The following CDC20B variants were observed in gnomAD, a reference collection of about 807,000 sequenced individuals.
CDC20B encodes the protein cell division cycle protein 20 homolog B.
CDC20B carries 58 observed loss-of-function variants against 64.1 expected under a neutral mutation model. That is an observed-to-expected ratio of 0.90 (90% CI 0.73 to 1.13). The LOEUF is 1.13. Among genes scored for constraint, CDC20B ranks in the 50% most tolerant of loss-of-function variants. The pLI, the probability that CDC20B is intolerant of heterozygous loss-of-function variation, is 0.00. For missense variants in CDC20B, 597 were observed against 633.0 expected, an observed-to-expected ratio of 0.94 and a Z score of 0.61; for synonymous variants, 243 against 230.6, an observed-to-expected ratio of 1.05 and a Z score of -0.49.
At chr5:55,167,497 C>T (rs901984043) in intron 2 of CDC20B, among the ~76,000 whole-genome samples, 6 of 152,164 alleles carry the variant, frequency 3.9e-5, no homozygotes, top group Non-Finnish European at 8.8e-5. Flanking sequence ...AATGTAAATG[C>T]TCATGCTCCC....
At chr5:55,129,789 A>C (rs1742983085) in intron 6 of CDC20B, among the ~76,000 whole-genome samples, 1 of 152,246 alleles carries the variant, frequency 6.6e-6, no homozygotes, top group Non-Finnish European at 1.5e-5. Context: ...AAACTGATCT[A>C]AGATTTGAAA....
intron 2 of CDC20B, chr5:55,161,091 T>C: frequency 6.2e-7 from 1 of 1,614,218 alleles, no homozygotes; most frequent in Non-Finnish European, 8.5e-7. Flanking sequence ...CCATCCCACT[T>C]CAGCGTGTTG....
chr5:55,155,878 T>A (rs1049923683), intron 2 of CDC20B, among the ~76,000 whole-genome samples: 1 of 152,180 alleles, frequency 6.6e-6, no homozygotes, highest in Non-Finnish European at 1.5e-5. Context: ...AAAAGCCTTT[T>A]GGTGGTGTTC....
rs1230884640 is a variant in CDC20B at position 55,123,552 on chromosome 5, AGACAC to A, written c.1215+1246_1215+1250del. Among the ~76,000 whole-genome samples, 4 of 152,290 alleles carry A rather than the reference AGACAC, an allele frequency of 2.6e-5. No homozygotes were observed. The East Asian group carries it at 7.7e-4, about 29-fold the overall frequency. On this transcript the variant is annotated intron_variant, in intron 9 of 11. Coordinates refer to ENST00000381375, the MANE Select transcript of CDC20B (RefSeq NM_001170402.1). Reference sequence around the variant, plus strand: ...CCTGTTGGTTAGCTGGTGACTGAAGAGACACGACTGGTGACTGTTCAGTGATTCCC... The same window carrying A: ...CCTGTTGGTTAGCTGGTGACTGAAGAGACTGGTGACTGTTCAGTGATTCCC...
chr5:55,138,184 CAG>C (rs1365408306), intron 5 of CDC20B, among the ~76,000 whole-genome samples: 1 of 119,108 alleles, frequency 8.4e-6, no homozygotes, highest in African/African-American at 3.0e-5. Flanking sequence ...AAAAAAAAGA[CAG>C]AGCTCACTCT....
At chr5:55,122,002 C>T (rs2111804602) in intron 9 of CDC20B, among the ~76,000 whole-genome samples, 1 of 152,222 alleles carries the variant, frequency 6.6e-6, no homozygotes, top group African/African-American at 2.4e-5. Flanking sequence ...CAAAGTTCTC[C>T]ACTCCTTCTG....
rs746018437 is a variant in CDC20B at position 55,114,241 on chromosome 5, C to T, written c.1537G>A (p.Ala513Thr). Residue 513 changes from alanine (A) to threonine (T), a missense_variant, in exon 12 of 12, where the codon GCC becomes ACC. By Grantham distance (58) the Ala-to-Thr change is moderately conservative. Transcript: ENST00000381375. This position sits in a 1 kb window ranked among gnomAD's most constrained non-coding sequence, Gnocchi z 4.1. Reference sequence around the variant, plus strand: ...TGCTAGTAGCAATTCCATACAGAGGCCGTCCCATCAGCTGCAGCAGAAAAC... The same window carrying T: ...TGCTAGTAGCAATTCCATACAGAGGTCGTCCCATCAGCTGCAGCAGAAAAC... ...RVFSAAADGT[A>T]SVWNCY The T allele has an allele frequency of 8.1e-6, 13 of 1,613,750 alleles. No homozygotes were observed. The highest frequency in any genetic ancestry group is 1.1e-5 in the Non-Finnish European group (13 of 1,179,784).
At chr5:55,145,303 T>C (rs1743440001) in intron 3 of CDC20B, among the ~76,000 whole-genome samples, 2 of 152,332 alleles carry the variant, frequency 1.3e-5, no homozygotes, top group African/African-American at 4.8e-5. Flanking sequence ...ATTTCATTGA[T>C]TTGAAAAAAA....
At chr5:55,122,375 G>A (rs62360383) in intron 9 of CDC20B, among the ~76,000 whole-genome samples, 18,714 of 151,546 alleles carry the variant, frequency 0.12, 1,330 homozygotes, top group East Asian at 0.26. Flanking sequence ...GGGCTCAAGC[G>A]ATCCACCTAC....
At chr5:55,163,003 G>A (rs746029860) in intron 2 of CDC20B, among the ~76,000 whole-genome samples, 13 of 152,166 alleles carry the variant, frequency 8.5e-5, no homozygotes, top group Admixed American at 7.2e-4. Flanking sequence ...TCTGCAAAAC[G>A]GGGATGATAA....
intron 5 of CDC20B, chr5:55,136,795 A>C (rs1743187236): frequency 6.6e-6 from 1 of 152,126 alleles, no homozygotes; most frequent in Non-Finnish European, 1.5e-5. Flanking sequence ...GCTCCCAAAC[A>C]ATTATTTTCC....
intron 2 of CDC20B, chr5:55,160,738 T>C (rs901877503): frequency 8.4e-6 from 4 of 477,692 alleles, no homozygotes; most frequent in African/African-American, 8.0e-5. Context: ...TTATCAAGGA[T>C]CATAGTTTTA....
chr5:55,123,692 C>T (rs1198716578), intron 9 of CDC20B, among the ~76,000 whole-genome samples: 1 of 152,158 alleles, frequency 6.6e-6, no homozygotes, highest in East Asian at 1.9e-4. Context: ...GACAACAAGG[C>T]ATTTAAAAAG....
chr5:55,146,878 T>G (rs1284302986), intron 2 of CDC20B, 22 bp from the exon 3 acceptor site: 1 of 1,589,588 alleles, frequency 6.3e-7, no homozygotes, highest in East Asian at 2.2e-5. Flanking sequence ...CAAAAACAGC[T>G]GTAAGTCCAC....
chr5:55,135,408 C>T (rs1439508521), intron 5 of CDC20B, among the ~76,000 whole-genome samples: 2 of 145,988 alleles, frequency 1.4e-5, no homozygotes, highest in East Asian at 2.0e-4. Flanking sequence ...GGACAAAAGA[C>T]GAGGGAGCTG....
At chr5:55,167,332 G>A (rs1446336621) in intron 2 of CDC20B, among the ~76,000 whole-genome samples, 1 of 152,078 alleles carries the variant, frequency 6.6e-6, no homozygotes, top group Non-Finnish European at 1.5e-5. Flanking sequence ...TTTTTTAAAT[G>A]TTTAACAATT....
In CDC20B at chr5:55,172,955, C is replaced by A; in HGVS notation, c.46G>T (p.Glu16Ter). ...ERTAPRRVRT[E>*]EEMLWESIMR... ...TTACTCACCCACAGCATCTCCTCTT[C>A]CGTGCGGACCCTCCGAGGCGCGGTG... The change falls in exon 1 of 12, where the codon GAA becomes TAA. Residue 16 changes from glutamate to a stop codon, truncating the protein, a stop_gained. Transcript: ENST00000381375. LOFTEE classifies it high-confidence loss of function. 6.2e-7 allele frequency: 1 copy of A among 1,611,310 alleles called. No individual in the cohort carries two copies. The highest frequency in any genetic ancestry group is 1.1e-5 in the South Asian group (1 of 90,096).
At chr5:55,141,889 CCT>C (rs1561294213) in intron 4 of CDC20B, among the ~76,000 whole-genome samples, 1 of 152,144 alleles carries the variant, frequency 6.6e-6, no homozygotes, top group Non-Finnish European at 1.5e-5. Context: ...ATGCTCTCCC[CCT>C]GAGTTGTAAC....
intron 7 of CDC20B, among the ~76,000 whole-genome samples, chr5:55,128,171 T>C (rs1428516299): frequency 2.0e-5 from 3 of 151,892 alleles, no homozygotes; most frequent in Admixed American, 6.6e-5. Flanking sequence ...CAACTTTAGT[T>C]TCAGAGAAAA....
Sources: allele counts gnomAD v4.1 joint callset (sites outside exome capture counted in the v4.1 genomes callset), GRCh38; gene constraint gnomAD v4.1.1; non-coding constraint Gnocchi (gnomAD v3.1); transcripts MANE v1.5; gene names NCBI Gene and HGNC (gene_info 2026-07-23, HGNC 2026-07-21).